The following VPS45 variants were observed in gnomAD, a reference collection of about 807,000 sequenced individuals.
VPS45 encodes the protein vacuolar protein sorting-associated protein 45.
A neutral mutation model predicts 75.9 loss-of-function variants in VPS45; 35 were observed. The ratio of observed to expected loss-of-function variants is 0.46; its 90% CI spans 0.35 to 0.61. The LOEUF is 0.61. Ranked by LOEUF, VPS45 falls within the 20% of genes least tolerant of loss-of-function variation. VPS45 has a pLI of 0.00. For missense variants in VPS45, 559 were observed against 685.9 expected (o/e 0.81, Z 2.07); for synonymous variants, 220 against 238.2 (o/e 0.92, Z 0.70).
intron 13 of VPS45, among the ~76,000 whole-genome samples, chr1:150,107,796 G>A (rs587710122): frequency 3.7e-4 from 56 of 152,306 alleles, no homozygotes; most frequent in South Asian, 2.3e-3. Flanking sequence ...AGCTACTTAG[G>A]AGGCTGAGGC....
chr1:150,076,065 T>TAA (rs1655359170), intron 3 of VPS45, among the ~76,000 whole-genome samples, 168 bp from the exon 4 acceptor site: 1 of 143,310 alleles, frequency 7.0e-6, no homozygotes, highest in African/African-American at 2.6e-5. Flanking sequence ...CCTTTTAAAA[T>TAA]ATATATATAT....
chr1:150,082,585 G>T, intron 9 of VPS45, 131 bp from the exon 10 acceptor site: 1 of 1,082,814 alleles, frequency 9.2e-7, no homozygotes, highest in African/African-American at 1.6e-5. Context: ...AAAATGCCAT[G>T]TGGCTGAAAG....
intron 13 of VPS45, among the ~76,000 whole-genome samples, chr1:150,097,881 C>G (rs1361460694): frequency 6.6e-6 from 1 of 152,086 alleles, no homozygotes; most frequent in Non-Finnish European, 1.5e-5. Context: ...GAGACAGGGT[C>G]TGGCTCTGTA....
intron 10 of VPS45, among the ~76,000 whole-genome samples, chr1:150,084,235 G>A (rs998074581): frequency 2.6e-5 from 4 of 152,144 alleles, no homozygotes; most frequent in Non-Finnish European, 5.9e-5. Context: ...TTTATGAAGA[G>A]GCTTGTAAGA....
intron 10 of VPS45, among the ~76,000 whole-genome samples, chr1:150,084,801 T>G (rs1553800328): frequency 6.6e-6 from 1 of 152,174 alleles, no homozygotes; most frequent in African/African-American, 2.4e-5. Flanking sequence ...TGCCCAAGTC[T>G]TGGGGATTAT....
intron 3 of VPS45, among the ~76,000 whole-genome samples, chr1:150,073,553 T>G (rs1236514697): frequency 6.6e-6 from 1 of 152,172 alleles, no homozygotes; most frequent in Non-Finnish European, 1.5e-5. Flanking sequence ...TTTTGTTTGT[T>G]TTTGTCTGTT....
chr1:150,073,928 A>G (rs1553797515), intron 3 of VPS45, among the ~76,000 whole-genome samples: 3 of 151,800 alleles, frequency 2.0e-5, no homozygotes, highest in South Asian at 4.2e-4. Context: ...CATACAGCAT[A>G]TAATCTTTTG....
At position 150,137,609 on chromosome 1, in the gene VPS45, T is replaced by C. The variant is rs116812046; in HGVS notation, c.1626-7100T>C. On this transcript the variant is annotated intron_variant, in intron 14 of 14. Transcript: ENST00000644510. ...TTTTTCCCACCTGTTGTATTATTCA[T>C]AGAAGCATAGAAATATCCTGCTATG... is the stretch of plus-strand genomic sequence containing the variant. 3.5e-3 allele frequency among the ~76,000 whole-genome samples: 540 copies of C among 152,274 alleles called. 5 individuals are homozygous for C. The highest frequency in any genetic ancestry group is 0.012 in the African/African-American group (503 of 41,572).
chr1:150,136,241 T>C (rs1659086710), intron 14 of VPS45, among the ~76,000 whole-genome samples: 1 of 26,670 alleles, frequency 3.7e-5, no homozygotes, highest in Admixed American at 3.7e-4. Context: ...AGAGTGAGAC[T>C]CTGTCTACAA....
At chr1:150,096,101 A>G (rs1323537396) in intron 13 of VPS45, among the ~76,000 whole-genome samples, 4 of 152,200 alleles carry the variant, frequency 2.6e-5, no homozygotes, top group Non-Finnish European at 5.9e-5. Flanking sequence ...AATAACTCTC[A>G]GGCTTTGAGG....
intron 14 of VPS45, among the ~76,000 whole-genome samples, chr1:150,122,337 G>C (rs1658279912): frequency 1.3e-5 from 2 of 151,950 alleles, no homozygotes; most frequent in African/African-American, 2.4e-5. Context: ...AAAGGAGGTG[G>C]GGGGAGTAAG....
intron 14 of VPS45, among the ~76,000 whole-genome samples, chr1:150,135,245 G>A (rs1467152912): frequency 6.6e-6 from 1 of 151,904 alleles, no homozygotes; most frequent in Non-Finnish European, 1.5e-5. Context: ...AAATTATTAT[G>A]CATTTTTATT....
chr1:150,092,917 C>T (rs1656417444), intron 12 of VPS45, among the ~76,000 whole-genome samples: 1 of 142,930 alleles, frequency 7.0e-6, no homozygotes, highest in Non-Finnish European at 1.5e-5. Flanking sequence ...TCTCGGCTCA[C>T]TGCAAGCTCT....
chr1:150,100,165 T>G (rs1001504889), intron 13 of VPS45, among the ~76,000 whole-genome samples: 18 of 152,066 alleles, frequency 1.2e-4, no homozygotes, highest in African/African-American at 4.3e-4. Flanking sequence ...TGTACAAAAA[T>G]CACTAGCATT....
intron 14 of VPS45, among the ~76,000 whole-genome samples, chr1:150,137,467 T>C (rs1559947638): frequency 6.6e-6 from 1 of 152,182 alleles, no homozygotes; most frequent in Admixed American, 6.5e-5. Flanking sequence ...CCTTCTGTCC[T>C]GTCATAGGGG....
At chr1:150,110,372 A>G in intron 13 of VPS45, 124 bp from the exon 14 acceptor site, 1 of 955,808 alleles carries the variant, frequency 1.0e-6, no homozygotes, top group Non-Finnish European at 1.5e-6. Flanking sequence ...CTTTTATTCT[A>G]TTCTGCTTTA....
rs782133423 is a variant in VPS45, at chr1:150,068,772, A to G, written c.228+8A>G. 6.9e-6 allele frequency: 11 copies of G among 1,597,910 alleles called. No homozygotes were observed. In the East Asian group the frequency reaches 2.2e-4, roughly 33 times the overall value. ...TTTCTTCGACCTACAAAGGTACTGC[A>G]TAAACTGAGCTTCCATCTGCCCAGG... On this transcript the variant is annotated splice_region_variant and intron_variant, in intron 2 of 14. Transcript: ENST00000644510.
intron 14 of VPS45, among the ~76,000 whole-genome samples, chr1:150,128,470 G>C (rs1303062412): frequency 6.6e-6 from 1 of 152,100 alleles, no homozygotes; most frequent in Non-Finnish European, 1.5e-5. Context: ...TTGGCATCTT[G>C]AATTTCTATA....
chr1:150,141,868 TTGAATTGAAC>T (rs1311812152), intron 14 of VPS45, among the ~76,000 whole-genome samples: 39 of 152,320 alleles, frequency 2.6e-4, no homozygotes, highest in African/African-American at 8.9e-4. Flanking sequence ...TTGAATTGGA[TTGAATTGAAC>T]TGAATTGAAC....
Sources: allele counts gnomAD v4.1 joint callset (sites outside exome capture counted in the v4.1 genomes callset), GRCh38; gene constraint gnomAD v4.1.1; transcripts MANE v1.5; gene names NCBI Gene and HGNC (gene_info 2026-07-23, HGNC 2026-07-21).